FAM117B: variants seen among roughly 807,000 people sequenced by gnomAD.
FAM117B encodes protein FAM117B.
FAM117B carries 22 observed loss-of-function variants against 52.8 expected under a neutral mutation model. That is an observed-to-expected ratio of 0.42 (90% CI 0.30 to 0.59). FAM117B has a LOEUF of 0.59. FAM117B is among the 20% of genes least tolerant of loss of function. The pLI is 0.22. For missense variants in FAM117B, 678 were observed against 802.6 expected, an observed-to-expected ratio of 0.84 and a Z score of 1.88; for synonymous variants, 309 against 324.1, an observed-to-expected ratio of 0.95 and a Z score of 0.50.
intron 4 of FAM117B, among the ~76,000 whole-genome samples, chr2:202,728,468 T>G (rs1467677913): frequency 6.6e-6 from 1 of 152,214 alleles, no homozygotes; most frequent in East Asian, 1.9e-4. Flanking sequence ...CTAATAACTT[T>G]TGAATTTGGA....
In FAM117B at chr2:202,682,730, T is replaced by G. The variant is rs1690481490; in HGVS notation, c.602-13151T>G. On this transcript the variant is annotated intron_variant, in intron 1 of 7. Coordinates refer to ENST00000392238, the MANE Select transcript of FAM117B (RefSeq NM_173511.4). ...TTCACTGACCACAACAGAATTAAAT[T>G]AGAAGTCAGTAACAGAAAGATTCTT... Among the ~76,000 whole-genome samples the G allele has an allele frequency of 2.0e-5, 3 of 152,202 alleles. No homozygotes were observed. The South Asian group carries it at 6.2e-4, about 31-fold the overall frequency.
intron 1 of FAM117B, among the ~76,000 whole-genome samples, chr2:202,693,453 A>G (rs1690664267): frequency 6.6e-6 from 1 of 152,162 alleles, no homozygotes; most frequent in Non-Finnish European, 1.5e-5. Context: ...TACTAAAAAT[A>G]CAAAAGTTAG....
At chr2:202,653,804 C>G (rs11887361) in intron 1 of FAM117B, among the ~76,000 whole-genome samples, 1 of 151,880 alleles carries the variant, frequency 6.6e-6, no homozygotes, top group African/African-American at 2.4e-5. Context: ...TTTTTTTGCC[C>G]TAATCATTTA....
intron 1 of FAM117B, among the ~76,000 whole-genome samples, chr2:202,677,551 T>A (rs1690398408): frequency 6.6e-6 from 1 of 152,248 alleles, no homozygotes; most frequent in Admixed American, 6.5e-5. Flanking sequence ...ATGAATTCTG[T>A]GAGAGGCCTT....
At chr2:202,726,206 A>G (rs1217068248) in intron 3 of FAM117B, 44 bp from the exon 4 acceptor site, 1 of 1,352,266 alleles carries the variant, frequency 7.4e-7, no homozygotes, top group East Asian at 2.3e-5. Flanking sequence ...TTTTTGTTTC[A>G]TGTAGAAAAC....
intron 1 of FAM117B, among the ~76,000 whole-genome samples, chr2:202,637,419 G>A (rs976212218): frequency 2.0e-5 from 3 of 151,534 alleles, no homozygotes; most frequent in Non-Finnish European, 2.9e-5. Flanking sequence ...CATCATGCCC[G>A]GCTAATTTTT....
chr2:202,757,416 G>C lies in FAM117B; in HGVS notation c.1308G>C (p.Leu436=). 1 of 1,614,030 alleles carries C rather than the reference G, an allele frequency of 6.2e-7. No homozygotes were observed. Among genetic ancestry groups the C allele is most frequent in the Non-Finnish European group, 8.5e-7 (1 of 1,179,994 alleles). Residue 436 remains leucine (L), a synonymous_variant, in exon 6 of 8, where the codon CTG becomes CTC. Transcript: ENST00000392238. Reference sequence around the variant, plus strand: ...AGAGTCCTTGCTCAGCGGATGACCTGCTTGTTGATCCCAGAGATAAAGGTA... The same window carrying C: ...AGAGTCCTTGCTCAGCGGATGACCTCCTTGTTGATCCCAGAGATAAAGGTA... The part of the protein sequence containing the change: ...SEESPCSADD[L]LVDPRDKENG...
intron 2 of FAM117B, among the ~76,000 whole-genome samples, chr2:202,715,466 C>T (rs1470943285): frequency 6.6e-6 from 1 of 150,954 alleles, no homozygotes; most frequent in Non-Finnish European, 1.5e-5. Context: ...GGCAGAGGCG[C>T]TCCTCACGTC....
chr2:202,646,828 AT>A (rs145060828), intron 1 of FAM117B, among the ~76,000 whole-genome samples: 42 of 151,368 alleles, frequency 2.8e-4, no homozygotes, highest in South Asian at 6.3e-4. Context: ...TTCCTGTATG[AT>A]TTTTTTTTAC....
intron 1 of FAM117B, among the ~76,000 whole-genome samples, chr2:202,674,632 T>C (rs1188936654): frequency 6.6e-6 from 1 of 152,236 alleles, no homozygotes; most frequent in African/African-American, 2.4e-5. Flanking sequence ...GTTGACTTGC[T>C]CACTTAGTTT....
intron 1 of FAM117B, among the ~76,000 whole-genome samples, chr2:202,647,485 C>T (rs1574539861): frequency 6.6e-6 from 1 of 152,152 alleles, no homozygotes; most frequent in East Asian, 1.9e-4. Flanking sequence ...AATGAGCACA[C>T]CCAGATTTCA....
At chr2:202,763,294 G>A (rs1410919017) in intron 7 of FAM117B, among the ~76,000 whole-genome samples, 4 of 151,890 alleles carry the variant, frequency 2.6e-5, no homozygotes, top group Admixed American at 1.3e-4. Context: ...GGATGGTCTC[G>A]ATCTCCTGAC....
intron 1 of FAM117B, among the ~76,000 whole-genome samples, chr2:202,664,087 C>A (rs1229951471): frequency 6.6e-6 from 1 of 152,188 alleles, no homozygotes; most frequent in Admixed American, 6.5e-5. Context: ...TTTTTATATG[C>A]AAATAATACA....
At chr2:202,671,940 G>GT (rs1198560617) in intron 1 of FAM117B, among the ~76,000 whole-genome samples, 5 of 151,962 alleles carry the variant, frequency 3.3e-5, no homozygotes, top group Admixed American at 2.0e-4. Flanking sequence ...CAATCTAAGA[G>GT]TTTTTTTTCT....
chr2:202,669,370 C>T (rs1690257016), intron 1 of FAM117B, among the ~76,000 whole-genome samples: 1 of 152,098 alleles, frequency 6.6e-6, no homozygotes, highest in Non-Finnish European at 1.5e-5. Flanking sequence ...TTATTTATCA[C>T]CAGGCTTTTC....
intron 1 of FAM117B, among the ~76,000 whole-genome samples, chr2:202,672,755 C>G (rs759353961): frequency 7.2e-5 from 11 of 152,052 alleles, no homozygotes; most frequent in Non-Finnish European, 1.6e-4. Flanking sequence ...AGGTGACAGA[C>G]TGGGTGTGGT....
At chr2:202,640,278 C>G (rs955698615) in intron 1 of FAM117B, among the ~76,000 whole-genome samples, 10 of 121,306 alleles carry the variant, frequency 8.2e-5, no homozygotes, top group Non-Finnish European at 1.0e-4. Flanking sequence ...TCACAACAAC[C>G]ACCACCACCA....
rs1691998308 is a variant in FAM117B at position 202,767,358 on chromosome 2, C to T, written c.*1594C>T. Reference sequence around the variant, plus strand: ...TATTTTTAGTATATATGGGGTTTCACCATGTTGGTCAGGCTGTTCTTGAAC... The same window carrying T: ...TATTTTTAGTATATATGGGGTTTCATCATGTTGGTCAGGCTGTTCTTGAAC... On this transcript the variant is annotated 3_prime_UTR_variant, in exon 8 of 8. Coordinates refer to ENST00000392238, the MANE Select transcript of FAM117B (RefSeq NM_173511.4). The T allele has an allele frequency of 6.6e-6, 1 of 152,058 alleles. No homozygotes were observed. The highest frequency in any genetic ancestry group is 1.5e-5 in the Non-Finnish European group (1 of 68,044). 9.4% of individuals were successfully genotyped at this position (152,058 alleles called of 1,614,324 possible). A position where few individuals can be genotyped will look rare whatever the true frequency, so the allele number is the denominator to read the frequency against.
intron 1 of FAM117B, among the ~76,000 whole-genome samples, chr2:202,693,015 A>C (rs537616164): frequency 6.6e-6 from 1 of 152,226 alleles, no homozygotes; most frequent in Non-Finnish European, 1.5e-5. Flanking sequence ...ATTGCTAGCC[A>C]TACAAAAAAC....
Sources: gnomAD v4.1 joint callset for allele counts (sites outside exome capture counted in the v4.1 genomes callset) on GRCh38, gnomAD v4.1.1 for gene constraint, MANE v1.5 for transcripts, NCBI Gene and HGNC (gene_info 2026-07-23, HGNC 2026-07-21) for gene names.